SKAP1: variants seen among roughly 807,000 people sequenced by gnomAD.
The protein encoded by SKAP1 is src kinase-associated phosphoprotein 1.
In SKAP1, 44 loss-of-function variants were observed where a neutral mutation model predicts 58.5. The ratio of observed to expected loss-of-function variants is 0.75; its 90% CI spans 0.59 to 0.97. The LOEUF is 0.97. Among genes scored for constraint, SKAP1 ranks in the 50% least tolerant of loss-of-function variants. SKAP1 has a pLI of 0.00. For missense variants in SKAP1, 390 were observed against 435.2 expected (o/e 0.90, Z 0.92); for synonymous variants, 127 against 149.7 (o/e 0.85, Z 1.11).
chr17:48,262,376 G>C (rs1372855927), intron 4 of SKAP1, among the ~76,000 whole-genome samples: 1 of 152,170 alleles, frequency 6.6e-6, no homozygotes, highest in Non-Finnish European at 1.5e-5. Flanking sequence ...AACTCCAAGA[G>C]CATAGCTTCA....
chr17:48,239,697 G>A (rs562719440), intron 4 of SKAP1, among the ~76,000 whole-genome samples: 1 of 152,170 alleles, frequency 6.6e-6, no homozygotes, highest in South Asian at 2.1e-4. Context: ...GAAAATGAGA[G>A]AAAAACAGGC....
intron 11 of SKAP1, among the ~76,000 whole-genome samples, chr17:48,160,738 C>G (rs1159419380): frequency 6.6e-6 from 1 of 152,236 alleles, no homozygotes; most frequent in Non-Finnish European, 1.5e-5. Flanking sequence ...CAGGCACCTC[C>G]AGACAATGTA....
At chr17:48,283,748 A>G (rs1026729017) in intron 4 of SKAP1, among the ~76,000 whole-genome samples, 17 of 152,170 alleles carry the variant, frequency 1.1e-4, no homozygotes, top group Non-Finnish European at 2.2e-4. Flanking sequence ...TAACTTAGGA[A>G]TAAGGAGGAC....
chr17:48,381,708 C>T (rs1381994409), intron 2 of SKAP1, among the ~76,000 whole-genome samples: 1 of 152,136 alleles, frequency 6.6e-6, no homozygotes, highest in Admixed American at 6.5e-5. Context: ...GTTGGCTATC[C>T]ACTATGTGAC....
At chr17:48,406,268 A>G (rs555557132) in intron 1 of SKAP1, among the ~76,000 whole-genome samples, 14 of 147,854 alleles carry the variant, frequency 9.5e-5, no homozygotes, top group South Asian at 6.4e-4. Flanking sequence ...CGTCTCAAAA[A>G]AACAAACAAA....
At chr17:48,410,841 C>T (rs543208636) in intron 1 of SKAP1, among the ~76,000 whole-genome samples, 29 of 147,520 alleles carry the variant, frequency 2.0e-4, no homozygotes, top group Non-Finnish European at 3.7e-4. Context: ...GCACAAGAAT[C>T]GCTTGAACCC....
chr17:48,230,980 G>A (rs2065119720), intron 4 of SKAP1, among the ~76,000 whole-genome samples: 1 of 152,294 alleles, frequency 6.6e-6, no homozygotes, highest in Non-Finnish European at 1.5e-5. Flanking sequence ...CAGTTTAGGA[G>A]GTAGATGTGA....
chr17:48,331,583 C>T (rs1300827289), intron 4 of SKAP1, among the ~76,000 whole-genome samples: 10 of 152,028 alleles, frequency 6.6e-5, no homozygotes, highest in African/African-American at 2.4e-4. Flanking sequence ...CCTGTAATCT[C>T]AGCTACTCAA....
chr17:48,329,432 C>T (rs534783360), intron 4 of SKAP1, among the ~76,000 whole-genome samples: 2 of 152,302 alleles, frequency 1.3e-5, no homozygotes, highest in South Asian at 2.1e-4. Context: ...TGGCTGGGCG[C>T]GGTGGCTCAC....
chr17:48,246,418 T>C (rs911479676), intron 4 of SKAP1, among the ~76,000 whole-genome samples: 5 of 152,228 alleles, frequency 3.3e-5, no homozygotes, highest in African/African-American at 1.2e-4. Flanking sequence ...GAGTTCACTA[T>C]TCTCACTTCT....
intron 4 of SKAP1, among the ~76,000 whole-genome samples, chr17:48,337,020 A>C (rs2066581115): frequency 6.6e-6 from 1 of 152,210 alleles, no homozygotes; most frequent in African/African-American, 2.4e-5. Flanking sequence ...GCTATATTCT[A>C]ACAAAATGGG....
chr17:48,405,443 T>A (rs2067565194), intron 1 of SKAP1, among the ~76,000 whole-genome samples: 1 of 70,176 alleles, frequency 1.4e-5, no homozygotes, highest in Non-Finnish European at 3.0e-5. Flanking sequence ...CTTTCTTTCT[T>A]TCTTTCTTTT....
rs117057869 is a variant in SKAP1, at chr17:48,153,786, C to A, written c.978+8683G>T. ...TACCCCTAAATTACCTCCCAGATAA[C>A]CCCCCACCCATCCCCCACTCAGCCA... On this transcript the variant is annotated intron_variant, in intron 11 of 12. Coordinates refer to ENST00000336915, the MANE Select transcript of SKAP1 (RefSeq NM_003726.4). Among the ~76,000 whole-genome samples the A allele has an allele frequency of 4.7e-3, 712 of 150,364 alleles. 15 individuals are homozygous for A. Among genetic ancestry groups the A allele is most frequent in the East Asian group, 0.041 (211 of 5,130 alleles).
chr17:48,330,952 A>T (rs1000118850), intron 4 of SKAP1, among the ~76,000 whole-genome samples: 1 of 152,224 alleles, frequency 6.6e-6, no homozygotes, highest in South Asian at 2.1e-4. Flanking sequence ...GAGACAATCA[A>T]CCTTCAGCCA....
At chr17:48,187,790 G>A (rs368486438) in intron 6 of SKAP1, 53 bp downstream of exon 6, 257 of 1,276,804 alleles carry the variant, frequency 2.0e-4, no homozygotes, top group Non-Finnish European at 2.5e-4. Context: ...GAGAATTTAC[G>A]AAGTGTTTGC....
the SKAP1 span, among the ~76,000 whole-genome samples, chr17:48,441,800 T>C: frequency 1.3e-5 from 2 of 152,122 alleles, no homozygotes; most frequent in African/African-American, 4.8e-5. Flanking sequence ...AACTAAACCA[T>C]CTAGGACAGG....
chr17:48,412,389 CA>C (rs1370743332), intron 1 of SKAP1, among the ~76,000 whole-genome samples: 1 of 151,926 alleles, frequency 6.6e-6, no homozygotes. Context: ...GTTTTGGAAT[CA>C]GAAAAAAATA....
intron 3 of SKAP1, among the ~76,000 whole-genome samples, chr17:48,347,555 C>A (rs1397009689): frequency 6.6e-6 from 1 of 151,912 alleles, no homozygotes; most frequent in Non-Finnish European, 1.5e-5. Flanking sequence ...TGAACACCTA[C>A]AAATATAGGA....
intron 4 of SKAP1, among the ~76,000 whole-genome samples, chr17:48,291,347 T>C (rs1252986420): frequency 1.3e-5 from 2 of 152,194 alleles, no homozygotes; most frequent in Non-Finnish European, 2.9e-5. Context: ...GTTCTCTTTC[T>C]TGTAAAAAAT....
Sources: allele counts gnomAD v4.1 joint callset (sites outside exome capture counted in the v4.1 genomes callset), GRCh38; gene constraint gnomAD v4.1.1; transcripts MANE v1.5; gene names NCBI Gene and HGNC (gene_info 2026-07-23, HGNC 2026-07-21).